Variants in LETM2 observed in about 807,000 individuals in gnomAD.
The protein encoded by LETM2 is LETM1 domain-containing protein LETM2, mitochondrial.
In LETM2, 58 loss-of-function variants were observed where a neutral mutation model predicts 59.6. The observed-to-expected ratio is 0.97, with a 90% CI of 0.79 to 1.21. The LOEUF (loss-of-function observed/expected upper bound fraction) is 1.21, where lower values mean the gene tolerates loss of function less well. Ranked by LOEUF, LETM2 falls within the 50% of genes most tolerant of loss-of-function variation. The pLI is 0.00. For missense variants in LETM2, 572 were observed against 575.7 expected, an observed-to-expected ratio of 0.99 and a Z score of 0.07; for synonymous variants, 199 against 214.1, an observed-to-expected ratio of 0.93 and a Z score of 0.62.
At chr8:38,396,055 A>G (rs1330118817) in intron 4 of LETM2, among the ~76,000 whole-genome samples, 2 of 152,150 alleles carry the variant, frequency 1.3e-5, no homozygotes, top group Admixed American at 1.3e-4. Context: ...GTAGCTAAAA[A>G]CTTATTGCCC....
At chr8:38,388,752 T>G (rs1000871328) in intron 2 of LETM2, among the ~76,000 whole-genome samples, 3 of 151,578 alleles carry the variant, frequency 2.0e-5, no homozygotes, top group Non-Finnish European at 2.9e-5. Flanking sequence ...ATGTAGTTTT[T>G]TTTGTTTGTT....
chr8:38,384,252 G>C (rs1226667405), upstream of LETM2, among the ~76,000 whole-genome samples: 1 of 152,042 alleles, frequency 6.6e-6, no homozygotes, highest in Non-Finnish European at 1.5e-5. Context: ...GGAGAATCTA[G>C]TAAATTGTCC....
chr8:38,400,436 C>G (rs555108271), intron 5 of LETM2, 27 bp downstream of exon 5: 115 of 1,542,200 alleles, frequency 7.5e-5, no homozygotes, highest in Non-Finnish European at 9.4e-5. Context: ...TAATGCCGAA[C>G]AACTTCGGGG....
chr8:38,407,451 T>C lies in LETM2; in HGVS notation c.1401T>C (p.Ser467=). 6.3e-7 allele frequency: 1 copy of C among 1,597,174 alleles called. No homozygotes were observed. The highest frequency in any genetic ancestry group is 8.6e-7 in the Non-Finnish European group (1 of 1,164,884). The change falls in exon 10 of 11, where the codon TCT becomes TCC. Residue 467 remains serine (S), a synonymous_variant. Transcript: ENST00000379957. ...PISLPKGPIT[S]SEEPTLQAKS... The stretch of plus-strand genomic sequence containing the variant: ...CATTACCTAAAGGACCCATCACTTC[T>C]TCTGAAGAACCTGTAAGTATCTTTA...
rs781694379 is a variant in LETM2 at position 38,408,540 on chromosome 8, C to T, written c.*266C>T. The stretch of plus-strand genomic sequence containing the variant: ...TCAACTTTGTATAAAGCCCACCCCC[C>T]ATCATGTTGTTTTTTTAGTTTCATG... On this transcript the variant is annotated 3_prime_UTR_variant, in exon 11 of 11. Coordinates refer to ENST00000379957, the MANE Select transcript of LETM2 (RefSeq NM_001286819.2). The T allele has an allele frequency of 5.9e-6, 2 of 337,868 alleles. No homozygotes were observed. The allele number at this position is 337,868 out of a possible 1,614,324, so 20.9% of individuals were successfully genotyped here.
At chr8:38,384,391 C>A (rs1011396905), upstream of LETM2, among the ~76,000 whole-genome samples, 2 of 152,144 alleles carry the variant, frequency 1.3e-5, no homozygotes, top group Non-Finnish European at 2.9e-5. Flanking sequence ...TATACTTGAT[C>A]TGGTGGCATA....
chr8:38,403,830 G>A (rs1813457239), intron 7 of LETM2, among the ~76,000 whole-genome samples: 1 of 152,078 alleles, frequency 6.6e-6, no homozygotes, highest in Non-Finnish European at 1.5e-5. Context: ...TACTTTTTAT[G>A]GTACCTTTTG....
At chr8:38,397,200 G>A (rs1002523333) in intron 4 of LETM2, 5 of 450,754 alleles carry the variant, frequency 1.1e-5, no homozygotes, top group African/African-American at 2.0e-5. Context: ...TTTTTGAGAC[G>A]GAGTCTCGCA....
chr8:38,383,170 A>G (rs932686949), upstream of LETM2: 15 of 152,240 alleles, frequency 9.9e-5, no homozygotes, highest in Non-Finnish European at 1.5e-4. Context: ...CATTTGTCCT[A>G]GAGGGCCCAA....
At chr8:38,391,181 C>CA (rs552521178) in intron 2 of LETM2, among the ~76,000 whole-genome samples, 16,650 of 50,546 alleles carry the variant, frequency 0.33, 1,931 homozygotes, top group Non-Finnish European at 0.38. Context: ...CCTCCTGTCT[C>CA]AAAAAAAAAA....
In LETM2 at chr8:38,392,758, T is replaced by C. The variant is rs1346927734; in HGVS notation, c.264T>C (p.Pro88=). Residue 88 remains proline (P), a synonymous_variant, in exon 3 of 11, where the codon CCT becomes CCC. Coordinates refer to ENST00000379957, the MANE Select transcript of LETM2 (RefSeq NM_001286819.2). ...HTSTCWLQEV[P]GKPQLEQATK... ...CCACTTGCTGGCTGCAAGAAGTTCC[T>C]GGCAAACCTCAGCTGGAGCAAGCCA... 2.5e-6 allele frequency: 4 copies of C among 1,614,134 alleles called. No homozygotes were observed. Among genetic ancestry groups the C allele is most frequent in the Non-Finnish European group, 3.4e-6 (4 of 1,180,034 alleles).
At chr8:38,407,890 G>C (rs534502847) in intron 10 of LETM2, among the ~76,000 whole-genome samples, 1 of 152,334 alleles carries the variant, frequency 6.6e-6, no homozygotes, top group African/African-American at 2.4e-5. Context: ...TTTGGGGCAA[G>C]AGCACAGGGC....
At position 38,407,382 on chromosome 8, in the gene LETM2, GC is replaced by G. The variant is rs758124758; in HGVS notation, c.1334del (p.Pro445HisfsTer8). The G allele has an allele frequency of 1.9e-6, 3 of 1,612,608 alleles. No homozygotes were observed. In the South Asian group the frequency reaches 3.3e-5, roughly 18 times the overall value. On this transcript the variant is annotated frameshift_variant, in exon 10 of 11. Transcript: ENST00000379957. LOFTEE classifies it high-confidence loss of function. ...TTAAGGATGAAGACTTTATACAGCC[GC>G]CACCAGTTACATCATCACCCATAAC... ...GTKDEDFIQPPPVTSSPITPS... is the reference protein window; with the variant it reads ...GTKDEDFIQPXPVTSSPITPS...
upstream of LETM2, chr8:38,383,364 C>G (rs978333386): frequency 1.3e-5 from 2 of 152,236 alleles, no homozygotes; most frequent in Admixed American, 6.6e-5. Context: ...GGTTACAGCA[C>G]AGAGACGTGA....
At chr8:38,402,673 C>A (rs1443367616) in intron 7 of LETM2, 29 bp downstream of exon 7, 1 of 1,612,154 alleles carries the variant, frequency 6.2e-7, no homozygotes, top group African/African-American at 1.3e-5. Flanking sequence ...CTGGGGTCCT[C>A]TTCCCTAGAA....
chr8:38,388,095 TTC>T (rs917802054), intron 2 of LETM2, 65 bp downstream of exon 2: 24 of 1,068,566 alleles, frequency 2.2e-5, no homozygotes, highest in Non-Finnish European at 3.0e-5. Flanking sequence ...TTTTTTTTTT[TTC>T]TGAGATGGAG....
chr8:38,408,535 C>A lies in LETM2; in HGVS notation c.*261C>A. The A allele has an allele frequency of 1.1e-5, 4 of 352,290 alleles. No homozygotes were observed. Among genetic ancestry groups the A allele is most frequent in the Non-Finnish European group, 1.6e-5 (3 of 190,374 alleles). The allele number at this position is 352,290 out of a possible 1,614,324, so 21.8% of individuals were successfully genotyped here. ...CCCACTCAACTTTGTATAAAGCCCA[C>A]CCCCCATCATGTTGTTTTTTTAGTT... is the stretch of plus-strand genomic sequence containing the variant. On this transcript the variant is annotated 3_prime_UTR_variant, in exon 11 of 11. Coordinates refer to ENST00000379957, the MANE Select transcript of LETM2 (RefSeq NM_001286819.2).
At chr8:38,389,342 G>A (rs549153314) in intron 2 of LETM2, among the ~76,000 whole-genome samples, 4 of 151,498 alleles carry the variant, frequency 2.6e-5, no homozygotes, top group East Asian at 2.0e-4. Context: ...TCAGCCTCCC[G>A]AGTAGCTGGG....
In LETM2 at chr8:38,408,293, A is replaced by AAT. The variant is rs1405038643; in HGVS notation, c.*19_*20insAT. 2.0e-5 allele frequency: 32 copies of AAT among 1,606,578 alleles called. No homozygotes were observed. The highest frequency in any genetic ancestry group is 2.7e-5 in the Non-Finnish European group (32 of 1,174,682). ...AGCATAAAGGACTACTTGAGGATGG[A>AAT]GCTCACTCTCTTCAGCTTCCGGCCC... On this transcript the variant is annotated 3_prime_UTR_variant, in exon 11 of 11. Transcript: ENST00000379957.
Sources: allele counts gnomAD v4.1 joint callset (sites outside exome capture counted in the v4.1 genomes callset), GRCh38; gene constraint gnomAD v4.1.1; transcripts MANE v1.5; gene names NCBI Gene and HGNC (gene_info 2026-07-23, HGNC 2026-07-21).